GRM8: variants seen among roughly 807,000 people sequenced by gnomAD.
The protein encoded by GRM8 is metabotropic glutamate receptor 8.
A neutral mutation model predicts 87.2 loss-of-function variants in GRM8; 47 were observed. That is an observed-to-expected ratio of 0.54 (90% CI 0.43 to 0.69). The LOEUF (loss-of-function observed/expected upper bound fraction) is 0.69. Ranked by LOEUF, GRM8 falls within the 30% of genes least tolerant of loss-of-function variation. The pLI, the probability that GRM8 is intolerant of heterozygous loss-of-function variation, is 0.00. For missense variants in GRM8, 1,019 were observed against 1,139.2 expected, an observed-to-expected ratio of 0.89 and a Z score of 1.52; for synonymous variants, 396 against 404.5, an observed-to-expected ratio of 0.98 and a Z score of 0.25.
chr7:126,702,533 G>A (rs1468693733), intron 7 of GRM8, among the ~76,000 whole-genome samples: 1 of 152,210 alleles, frequency 6.6e-6, no homozygotes, highest in Non-Finnish European at 1.5e-5. Flanking sequence ...CACTGGCACA[G>A]AAGTCCAGTC....
At chr7:126,733,740 A>C (rs914165532) in intron 7 of GRM8, among the ~76,000 whole-genome samples, 1 of 151,990 alleles carries the variant, frequency 6.6e-6, no homozygotes, top group Admixed American at 6.6e-5. Context: ...ATTTAGTAAA[A>C]CTTTAAATTA....
chr7:127,177,246 AC>A (rs1236922890), intron 2 of GRM8, among the ~76,000 whole-genome samples: 1 of 152,076 alleles, frequency 6.6e-6, no homozygotes, highest in African/African-American at 2.4e-5. Context: ...TTCCCTGACA[AC>A]CTGCATGACT....
At chr7:127,037,134 G>A (rs368116729) in intron 3 of GRM8, among the ~76,000 whole-genome samples, 9 of 152,070 alleles carry the variant, frequency 5.9e-5, no homozygotes, top group Admixed American at 2.6e-4. Context: ...TTTACATGAT[G>A]GTGAAATGGT....
At chr7:126,575,877 C>T (rs1795072035) in intron 8 of GRM8, among the ~76,000 whole-genome samples, 1 of 152,092 alleles carries the variant, frequency 6.6e-6, no homozygotes, top group African/African-American at 2.4e-5. Context: ...GTCTTGAACC[C>T]AAATATATTT....
chr7:126,870,539 G>A (rs1166644230), intron 6 of GRM8: 1 of 152,064 alleles, frequency 6.6e-6, no homozygotes, highest in African/African-American at 2.4e-5. Flanking sequence ...TCATTGTAGG[G>A]TTATTAATTG....
chr7:127,199,617 C>T (rs1439771444), intron 2 of GRM8, among the ~76,000 whole-genome samples: 1 of 152,208 alleles, frequency 6.6e-6, no homozygotes, highest in Non-Finnish European at 1.5e-5. Context: ...CATGAGAGAA[C>T]AGGGGCACAT....
intron 3 of GRM8, among the ~76,000 whole-genome samples, chr7:127,081,677 G>A (rs1375124215): frequency 3.9e-5 from 6 of 152,200 alleles, no homozygotes; most frequent in Admixed American, 1.3e-4. Flanking sequence ...ATGAGAGAGT[G>A]TGAGTCTGGA....
chr7:127,187,305 C>T (rs138256992), intron 2 of GRM8, among the ~76,000 whole-genome samples: 2 of 152,208 alleles, frequency 1.3e-5, no homozygotes, highest in East Asian at 1.9e-4. Context: ...CACCCTGAGA[C>T]ATTATATGTA....
At chr7:127,229,002 C>T (rs1797516835) in intron 2 of GRM8, 1 of 152,098 alleles carries the variant, frequency 6.6e-6, no homozygotes, top group Admixed American at 6.5e-5. Context: ...ATTTATTCAT[C>T]AATCCTATAC....
chr7:126,832,238 C>T (rs529637486), intron 6 of GRM8, among the ~76,000 whole-genome samples: 7 of 150,588 alleles, frequency 4.6e-5, no homozygotes, highest in African/African-American at 1.7e-4. Context: ...TGGACTAGAT[C>T]CCTTATCTAC....
At chr7:126,819,991 A>G (rs1368266183) in intron 6 of GRM8, among the ~76,000 whole-genome samples, 1 of 152,182 alleles carries the variant, frequency 6.6e-6, no homozygotes, top group Non-Finnish European at 1.5e-5. Context: ...TAACTACTGG[A>G]TGCTTGAAAT....
chr7:126,528,304 A>C (rs1400724110), intron 9 of GRM8, among the ~76,000 whole-genome samples: 1 of 152,190 alleles, frequency 6.6e-6, no homozygotes, highest in Non-Finnish European at 1.5e-5. Context: ...AAATTGAGAC[A>C]ATTACTTGGA....
At chr7:126,677,438 T>TA (rs1348892409) in intron 7 of GRM8, among the ~76,000 whole-genome samples, 2 of 150,594 alleles carry the variant, frequency 1.3e-5, no homozygotes, top group Non-Finnish European at 3.0e-5. Context: ...ATTACAAAGA[T>TA]ACGGACTCAA....
At chr7:126,494,558 C>T (rs562953285) in intron 9 of GRM8, among the ~76,000 whole-genome samples, 2 of 152,096 alleles carry the variant, frequency 1.3e-5, no homozygotes, top group South Asian at 2.1e-4. Context: ...TAACTGATTG[C>T]AAGCACTTAG....
intron 8 of GRM8, among the ~76,000 whole-genome samples, chr7:126,605,349 A>C (rs1007133557): frequency 6.6e-5 from 10 of 152,200 alleles, no homozygotes; most frequent in African/African-American, 2.4e-4. Context: ...TGAGTAGAAA[A>C]CTTAAACAAA....
intron 3 of GRM8, among the ~76,000 whole-genome samples, chr7:126,966,378 G>A (rs894712321): frequency 7.9e-5 from 12 of 152,092 alleles, no homozygotes; most frequent in South Asian, 4.2e-4. Context: ...CAAGTGATCC[G>A]CCTGCCTCAG....
chr7:127,015,094 AAGGAGAAGG>A (rs1815407221), intron 3 of GRM8, among the ~76,000 whole-genome samples: 2 of 131,260 alleles, frequency 1.5e-5, no homozygotes, highest in Admixed American at 7.6e-5. Context: ...GAAGGAGAAG[AAGGAGAAGG>A]AGAAGGAAGA....
chr7:126,618,692 C>T (rs184202281), intron 7 of GRM8, among the ~76,000 whole-genome samples: 11 of 151,790 alleles, frequency 7.2e-5, no homozygotes, highest in African/African-American at 2.7e-4. Context: ...AAAAAAACAA[C>T]CCCATCAACA....
intron 2 of GRM8, among the ~76,000 whole-genome samples, chr7:127,227,045 C>A (rs905739897): frequency 2.6e-5 from 4 of 152,120 alleles, no homozygotes; most frequent in Non-Finnish European, 5.9e-5. Flanking sequence ...TAAAAAAGAT[C>A]AAAAGTGTTT....
Sources: allele counts gnomAD v4.1 joint callset (sites outside exome capture counted in the v4.1 genomes callset), GRCh38; gene constraint gnomAD v4.1.1; transcripts MANE v1.5; gene names NCBI Gene and HGNC (gene_info 2026-07-23, HGNC 2026-07-21).